Variants in ZMYND8 observed in about 807,000 individuals in gnomAD.
The protein encoded by ZMYND8 is zinc finger MYND-type containing 8.
In ZMYND8, 37 loss-of-function variants were observed where a neutral mutation model predicts 140.8. The ratio of observed to expected loss-of-function variants is 0.26; its 90% CI spans 0.20 to 0.35. The LOEUF (loss-of-function observed/expected upper bound fraction) is 0.35. Ranked by LOEUF, ZMYND8 falls within the 10% of genes least tolerant of loss-of-function variation. The pLI is 1.00. For synonymous variants in ZMYND8, 592 were observed against 597.1 expected, an observed-to-expected ratio of 0.99 and a Z score of 0.12; for missense variants, 1,068 against 1,570.0, an observed-to-expected ratio of 0.68 and a Z score of 5.40.
chr20:47,238,702 T>C (rs1231899402), intron 15 of ZMYND8, 56 bp downstream of exon 15: 1 of 1,558,406 alleles, frequency 6.4e-7, no homozygotes. Flanking sequence ...CTTTCTCCTG[T>C]CGATGTGGCA....
In ZMYND8 at chr20:47,349,770, G is replaced by T; in HGVS notation, c.15-1844C>A. The T allele has an allele frequency of 2.7e-6, 4 of 1,489,162 alleles. No individual in the cohort carries two copies. The South Asian group carries it at 4.9e-5, about 18-fold the overall frequency. The allele number at this position is 1,489,162 out of a possible 1,614,324, so 92.2% of individuals were successfully genotyped here. A position where few individuals can be genotyped will look rare whatever the true frequency, so the allele number is the denominator to read the frequency against. On this transcript the variant is annotated intron_variant, in intron 1 of 22. Transcript: ENST00000471951. ...CTTCTTGAAACCGATCCCATATTTT[G>T]AGTAATAGAGAAAACGCTAATCTGT...
At chr20:47,260,580 C>T (rs901757569) in intron 12 of ZMYND8, among the ~76,000 whole-genome samples, 3 of 152,194 alleles carry the variant, frequency 2.0e-5, no homozygotes, top group African/African-American at 7.2e-5. Context: ...TTTCTTGTCA[C>T]GTAAACTTCA....
At chr20:47,221,529 GA>G in intron 19 of ZMYND8, 55 bp from the exon 20 acceptor site, 1 of 1,579,888 alleles carries the variant, frequency 6.3e-7, no homozygotes, top group Non-Finnish European at 8.6e-7. Context: ...CGATGATTTT[GA>G]AACATGCATG....
intron 1 of ZMYND8, chr20:47,351,634 TA>T (rs2082790346): frequency 4.1e-6 from 4 of 979,488 alleles, no homozygotes; most frequent in Non-Finnish European, 4.9e-6. Flanking sequence ...CATGCTTCCC[TA>T]AATCTACAAT....
intron 2 of ZMYND8, among the ~76,000 whole-genome samples, chr20:47,329,728 C>G (rs139832344): frequency 6.8e-4 from 103 of 152,196 alleles, no homozygotes; most frequent in Middle Eastern, 3.4e-3. Context: ...TAAAGAGCCA[C>G]GTACAGCTAG....
At chr20:47,293,761 A>G (rs1160370544) in intron 5 of ZMYND8, among the ~76,000 whole-genome samples, 2 of 152,184 alleles carry the variant, frequency 1.3e-5, no homozygotes, top group African/African-American at 4.8e-5. Flanking sequence ...GTCATTGCCC[A>G]ATTGATATGG....
chr20:47,239,862 T>C (rs1473142926), intron 14 of ZMYND8, among the ~76,000 whole-genome samples: 1 of 152,236 alleles, frequency 6.6e-6, no homozygotes, highest in African/African-American at 2.4e-5. Flanking sequence ...GTATACTGTG[T>C]GCTACTGTTC....
At chr20:47,277,611 A>C (rs2076330668) in intron 10 of ZMYND8, among the ~76,000 whole-genome samples, 1 of 152,152 alleles carries the variant, frequency 6.6e-6, no homozygotes, top group African/African-American at 2.4e-5. Flanking sequence ...TTTCCAAGGA[A>C]GGCTTTTGTG....
At chr20:47,339,951 GTT>G (rs969262545) in intron 2 of ZMYND8, among the ~76,000 whole-genome samples, 2 of 147,102 alleles carry the variant, frequency 1.4e-5, no homozygotes, top group African/African-American at 5.0e-5. Context: ...GGTGGTTTTT[GTT>G]TTTTTTTGAG....
intron 12 of ZMYND8, 109 bp downstream of exon 12, chr20:47,262,179 C>T: frequency 6.7e-7 from 1 of 1,485,184 alleles, no homozygotes; most frequent in Non-Finnish European, 9.2e-7. Flanking sequence ...GCATTTTTTG[C>T]ATAGAGAAAA....
chr20:47,260,659 C>T (rs540758519), intron 12 of ZMYND8, among the ~76,000 whole-genome samples: 2 of 152,216 alleles, frequency 1.3e-5, no homozygotes, highest in Non-Finnish European at 2.9e-5. Context: ...ACATCTGCTT[C>T]GCAACTTGCC....
At chr20:47,314,905 A>G (rs2079256779) in intron 2 of ZMYND8, among the ~76,000 whole-genome samples, 1 of 152,184 alleles carries the variant, frequency 6.6e-6, no homozygotes, top group Admixed American at 6.5e-5. Flanking sequence ...GGACTAGACT[A>G]GAAGTTCTTG....
chr20:47,306,459 A>C (rs956143127), intron 3 of ZMYND8, among the ~76,000 whole-genome samples: 3 of 152,140 alleles, frequency 2.0e-5, no homozygotes, highest in Non-Finnish European at 2.9e-5. Flanking sequence ...CCCTAAAATG[A>C]ATTCCTAATA....
At chr20:47,239,366 C>T (rs2039659723) in intron 14 of ZMYND8, among the ~76,000 whole-genome samples, 1 of 152,234 alleles carries the variant, frequency 6.6e-6, no homozygotes, top group Non-Finnish European at 1.5e-5. Flanking sequence ...TACTGAGCGC[C>T]GGCCCACATC....
intron 2 of ZMYND8, among the ~76,000 whole-genome samples, chr20:47,327,057 G>A (rs2080487360): frequency 6.6e-6 from 1 of 152,116 alleles, no homozygotes; most frequent in Non-Finnish European, 1.5e-5. Context: ...GCCTTATTAG[G>A]AAGAGAGCAC....
At chr20:47,278,747 C>T (rs1000658928) in intron 10 of ZMYND8, among the ~76,000 whole-genome samples, 13 of 152,158 alleles carry the variant, frequency 8.5e-5, no homozygotes, top group Admixed American at 6.5e-4. Context: ...ACCTGAAGAA[C>T]CATATCTCCA....
At position 47,290,203 on chromosome 20, in the gene ZMYND8, G is replaced by T; in HGVS notation, c.732C>A (p.Cys244Ter). The T allele has an allele frequency of 6.2e-7, 1 of 1,613,616 alleles. No individual in the cohort carries two copies. The highest frequency in any genetic ancestry group is 8.5e-7 in the Non-Finnish European group (1 of 1,179,846). ...LADAKWILHN[C>*]IIYNGGNHKL... ...GCCACTCACCCCCATTATAAATGATGCAGTTGTGCAAAATCCACTTTGCAT... is the reference window on the plus strand; with the variant it reads ...GCCACTCACCCCCATTATAAATGATTCAGTTGTGCAAAATCCACTTTGCAT... The change falls in exon 7 of 23, where the codon TGC (cysteine) becomes TGA (stop). Residue 244 changes from cysteine (C) to a stop codon, truncating the protein, a stop_gained. Coordinates refer to ENST00000471951, the MANE Select transcript of ZMYND8 (RefSeq NM_001281775.3). LOFTEE classifies it high-confidence loss of function.
At chr20:47,351,715 A>C (rs1328341345) in intron 1 of ZMYND8, 1 of 985,318 alleles carries the variant, frequency 1.0e-6, no homozygotes, top group Non-Finnish European at 1.2e-6. Context: ...CTCACCTAAA[A>C]CAGGCAGAGT....
intron 21 of ZMYND8, among the ~76,000 whole-genome samples, chr20:47,215,585 G>A (rs894583594): frequency 6.6e-6 from 1 of 150,850 alleles, no homozygotes; most frequent in African/African-American, 2.5e-5. Context: ...GGCACTCACT[G>A]CAGTCTCAAA....
Sources: gnomAD v4.1 joint callset for allele counts (sites outside exome capture counted in the v4.1 genomes callset) on GRCh38, gnomAD v4.1.1 for gene constraint, MANE v1.5 for transcripts, NCBI Gene and HGNC (gene_info 2026-07-23, HGNC 2026-07-21) for gene names.